POU2F1: variants seen among roughly 807,000 people sequenced by gnomAD.
The protein encoded by POU2F1 is POU class 2 homeobox 1, also known as POU domain, class 2, transcription factor 1.
Under a neutral mutation model 84.9 loss-of-function variants are expected in POU2F1, and 16 were observed. The ratio of observed to expected loss-of-function variants is 0.19; its 90% CI spans 0.13 to 0.29. The LOEUF (loss-of-function observed/expected upper bound fraction) is 0.29. Ranked by LOEUF, POU2F1 falls within the 10% of genes least tolerant of loss-of-function variation. The pLI, the probability that POU2F1 is intolerant of heterozygous loss-of-function variation, is 1.00. For synonymous variants in POU2F1, 368 were observed against 368.3 expected, an observed-to-expected ratio of 1.00 and a Z score of 0.01; for missense variants, 738 against 942.6, an observed-to-expected ratio of 0.78 and a Z score of 2.84.
chr1:167,382,636 G>A (rs1385642761), intron 7 of POU2F1, among the ~76,000 whole-genome samples: 1 of 152,178 alleles, frequency 6.6e-6, no homozygotes, highest in Non-Finnish European at 1.5e-5. Flanking sequence ...CTTGGGGAAG[G>A]AGGATGGTCA....
chr1:167,297,581 A>G (rs997107864), intron 1 of POU2F1, among the ~76,000 whole-genome samples: 7 of 152,208 alleles, frequency 4.6e-5, no homozygotes, highest in African/African-American at 1.4e-4. Context: ...CCAGAATTGA[A>G]TAAAAATTTG....
At chr1:167,398,631 A>G (rs1648979101) in intron 11 of POU2F1, among the ~76,000 whole-genome samples, 1 of 152,186 alleles carries the variant, frequency 6.6e-6, no homozygotes, top group Non-Finnish European at 1.5e-5. Flanking sequence ...AATGCAAGAG[A>G]TATTTGGCAA....
chr1:167,277,519 G>T (rs1652817650), intron 1 of POU2F1, among the ~76,000 whole-genome samples: 1 of 146,630 alleles, frequency 6.8e-6, no homozygotes, highest in Admixed American at 6.8e-5. Flanking sequence ...AAAAAAAATT[G>T]CCTAGGCCAG....
chr1:167,353,900 A>G (rs1009208265), intron 2 of POU2F1, among the ~76,000 whole-genome samples: 6 of 152,224 alleles, frequency 3.9e-5, no homozygotes, highest in African/African-American at 1.4e-4. Context: ...AATAACCACT[A>G]TCCCGAAGTT....
intron 1 of POU2F1, among the ~76,000 whole-genome samples, chr1:167,302,174 C>T (rs907043061): frequency 1.3e-5 from 2 of 152,050 alleles, no homozygotes; most frequent in Admixed American, 1.3e-4. Context: ...TGGGTTCAAG[C>T]GATTCTCCTG....
chr1:167,266,577 C>T (rs1651972562), intron 1 of POU2F1, among the ~76,000 whole-genome samples: 1 of 150,392 alleles, frequency 6.6e-6, no homozygotes, highest in African/African-American at 2.4e-5. Context: ...GCCACTGTCA[C>T]ATAATATTGG....
chr1:167,384,997 T>G (rs1225197771), intron 8 of POU2F1, among the ~76,000 whole-genome samples: 2 of 152,134 alleles, frequency 1.3e-5, no homozygotes, highest in African/African-American at 4.8e-5. Flanking sequence ...TAAGTGAGCT[T>G]AGCAAGTATG....
chr1:167,415,112 G>T (rs1650214873), intron 15 of POU2F1, among the ~76,000 whole-genome samples: 1 of 152,166 alleles, frequency 6.6e-6, no homozygotes, highest in South Asian at 2.1e-4. Context: ...CAGCTAGTTT[G>T]TCCTTTGAAC....
chr1:167,300,839 C>T (rs150845001), intron 1 of POU2F1, among the ~76,000 whole-genome samples: 1,775 of 152,176 alleles, frequency 0.012, 11 homozygotes, highest in Non-Finnish European at 0.02. Flanking sequence ...GGAGTGATCT[C>T]GGCTCACTGC....
intron 1 of POU2F1, among the ~76,000 whole-genome samples, chr1:167,278,482 G>C (rs1364609560): frequency 6.6e-6 from 1 of 152,112 alleles, no homozygotes; most frequent in Non-Finnish European, 1.5e-5. Flanking sequence ...TAGATCTAGG[G>C]TATTTGTCAT....
intron 9 of POU2F1, among the ~76,000 whole-genome samples, chr1:167,392,166 A>G (rs1648465484): frequency 6.6e-6 from 1 of 152,112 alleles, no homozygotes; most frequent in African/African-American, 2.4e-5. Context: ...CCTGGCCAAC[A>G]TGGCGAAACC....
rs1660033990 is a variant in POU2F1, at chr1:167,372,017, C to T, written c.383C>T (p.Ala128Val). Residue 128 changes from alanine to valine, a missense_variant, in exon 5 of 16, where the codon GCT becomes GTT. Coordinates refer to ENST00000367866, the MANE Select transcript of POU2F1 (RefSeq NM_002697.4). ...ATTCCCCAGACCCAGCTTATGCTAG[C>T]TGGAGGACAGATAACTGGGGTAAGT... ...AAIPQTQLML[A>V]GGQITGLTLT... 6.2e-7 allele frequency: 1 copy of T among 1,613,188 alleles called. No individual in the cohort carries two copies. The highest frequency in any genetic ancestry group is 1.7e-5 in the Admixed American group (1 of 59,828).
At position 167,378,013 on chromosome 1, in the gene POU2F1, G is replaced by A. The variant is rs528752560; in HGVS notation, c.718+1858G>A. Among the ~76,000 whole-genome samples, 6 of 152,194 alleles carry A rather than the reference G, an allele frequency of 3.9e-5. No homozygotes were observed. In the South Asian group the frequency reaches 8.3e-4, roughly 21 times the overall value. ...GTGAATAGTGCTGCAATTAACATACGCATGGGTATGTGTCTTTATGGCAGA... is the reference window on the plus strand; with the variant it reads ...GTGAATAGTGCTGCAATTAACATACACATGGGTATGTGTCTTTATGGCAGA... On this transcript the variant is annotated intron_variant, in intron 7 of 15. Coordinates refer to ENST00000367866, the MANE Select transcript of POU2F1 (RefSeq NM_002697.4).
intron 2 of POU2F1, among the ~76,000 whole-genome samples, chr1:167,357,873 G>A (rs1037778641): frequency 1.4e-5 from 2 of 140,018 alleles, no homozygotes; most frequent in South Asian, 4.5e-4. Context: ...GCGCTATCTC[G>A]GCTCATTGCA....
At chr1:167,271,083 AT>A (rs1413467453) in intron 1 of POU2F1, among the ~76,000 whole-genome samples, 2 of 152,236 alleles carry the variant, frequency 1.3e-5, no homozygotes, top group East Asian at 3.8e-4. Flanking sequence ...CATTGTTTTA[AT>A]TATTTAAATA....
intron 2 of POU2F1, among the ~76,000 whole-genome samples, chr1:167,358,302 A>C (rs1377811146): frequency 6.6e-6 from 1 of 151,504 alleles, no homozygotes; most frequent in African/African-American, 2.4e-5. Flanking sequence ...TAGGTTTGCT[A>C]TTATTATTTA....
intron 1 of POU2F1, among the ~76,000 whole-genome samples, chr1:167,330,117 A>T (rs1018552288): frequency 1.3e-5 from 2 of 152,202 alleles, no homozygotes; most frequent in East Asian, 1.9e-4. Context: ...GTCTGTTTAT[A>T]TGCAGAATTA....
At chr1:167,319,792 G>A (rs1488408356) in intron 1 of POU2F1, among the ~76,000 whole-genome samples, 1 of 152,058 alleles carries the variant, frequency 6.6e-6, no homozygotes, top group African/African-American at 2.4e-5. Context: ...TATGGGTGGT[G>A]ACATCCATTT....
chr1:167,403,243 C>A (rs1006549284), intron 13 of POU2F1, among the ~76,000 whole-genome samples: 1 of 152,126 alleles, frequency 6.6e-6, no homozygotes, highest in Non-Finnish European at 1.5e-5. Flanking sequence ...TTTATTTTCT[C>A]TTTAAATCCT....
Sources: gnomAD v4.1 joint callset for allele counts (sites outside exome capture counted in the v4.1 genomes callset) on GRCh38, gnomAD v4.1.1 for gene constraint, MANE v1.5 for transcripts, NCBI Gene and HGNC (gene_info 2026-07-23, HGNC 2026-07-21) for gene names.